UBE3C: variants seen among roughly 807,000 people sequenced by gnomAD.
UBE3C encodes the protein ubiquitin protein ligase E3C, also known as ubiquitin-protein ligase E3C.
In UBE3C, 42 loss-of-function variants were observed where a neutral mutation model predicts 129.4. The ratio of observed to expected loss-of-function variants is 0.32; its 90% CI spans 0.25 to 0.42. The LOEUF is 0.42. Among genes scored for constraint, UBE3C ranks in the 10% least tolerant of loss-of-function variants. The probability of loss-of-function intolerance (pLI) is 1.00; values close to 1 mark genes in which losing one functional copy is unlikely to be tolerated. For synonymous variants in UBE3C, 510 were observed against 492.4 expected (o/e 1.04, Z -0.47); for missense variants, 1,049 against 1,319.1 (o/e 0.80, Z 3.17).
intron 1 of UBE3C, among the ~76,000 whole-genome samples, chr7:157,141,346 C>T (rs1346791417): frequency 2.0e-5 from 3 of 152,214 alleles, no homozygotes; most frequent in Non-Finnish European, 2.9e-5. Flanking sequence ...CCCCTGCACT[C>T]TCACCCATTC....
In UBE3C at chr7:157,169,030, C is replaced by G; in HGVS notation, c.121-18C>G. ...GATTCTGACCAATTGCTCCCTCACTCCTCCTTTTATTGTTTAGGAAGAAAG... is the reference window on the plus strand; with the variant it reads ...GATTCTGACCAATTGCTCCCTCACTGCTCCTTTTATTGTTTAGGAAGAAAG... On this transcript the variant is annotated intron_variant, in intron 2 of 22. Transcript: ENST00000348165. 1.2e-6 allele frequency: 2 copies of G among 1,608,654 alleles called. No individual in the cohort carries two copies. The highest frequency in any genetic ancestry group is 1.7e-6 in the Non-Finnish European group (2 of 1,175,492).
intron 10 of UBE3C, among the ~76,000 whole-genome samples, chr7:157,195,476 C>T (rs1809092623): frequency 6.6e-6 from 1 of 152,194 alleles, no homozygotes; most frequent in African/African-American, 2.4e-5. Flanking sequence ...ACTCCCAGGC[C>T]TTGAAACTGA....
At chr7:157,165,273 C>T (rs937723802) in intron 2 of UBE3C, among the ~76,000 whole-genome samples, 4 of 152,072 alleles carry the variant, frequency 2.6e-5, no homozygotes, top group African/African-American at 4.8e-5. Flanking sequence ...TTGACCTTTG[C>T]GTCGTTTCCC....
chr7:157,162,383 C>T (rs181767428), intron 1 of UBE3C, among the ~76,000 whole-genome samples: 23 of 151,798 alleles, frequency 1.5e-4, no homozygotes, highest in African/African-American at 4.4e-4. Context: ...TTAGTAGAGA[C>T]GGGGTTTCAC....
chr7:157,156,977 A>G (rs1807927094), intron 1 of UBE3C, among the ~76,000 whole-genome samples: 1 of 152,188 alleles, frequency 6.6e-6, no homozygotes, highest in Admixed American at 6.5e-5. Flanking sequence ...CTTCAGTTAT[A>G]AGAGTCTTCA....
chr7:157,175,140 T>TG (rs1338735179), intron 5 of UBE3C, 106 bp downstream of exon 5: 38 of 516,328 alleles, frequency 7.4e-5, no homozygotes, highest in African/African-American at 6.6e-4. Context: ...TTCCATACTT[T>TG]TTTTTTTTTT....
At chr7:157,163,717 CT>C (rs1808137641) in intron 1 of UBE3C, 92 bp from the exon 2 acceptor site, 27 of 1,366,912 alleles carry the variant, frequency 2.0e-5, no homozygotes, top group South Asian at 3.8e-5. Context: ...TCTTTAGGAT[CT>C]TTTTTTGGGT....
intron 1 of UBE3C, among the ~76,000 whole-genome samples, chr7:157,145,688 T>C (rs1032108380): frequency 6.6e-6 from 1 of 152,230 alleles, no homozygotes; most frequent in African/African-American, 2.4e-5. Flanking sequence ...TTTCACTTAG[T>C]ACTATGCATT....
chr7:157,221,044 CCTGGCTCCTTTTG>C, intron 15 of UBE3C: 1 of 340,838 alleles, frequency 2.9e-6, no homozygotes, highest in East Asian at 5.3e-5. Flanking sequence ...GTAGTCTGCT[CCTGGCTCCTTTTG>C]GTCAGCACGC....
At chr7:157,187,074 TCCTC>T (rs558350240) in intron 10 of UBE3C, 53 bp downstream of exon 10, 4 of 1,517,290 alleles carry the variant, frequency 2.6e-6, no homozygotes, top group Non-Finnish European at 3.5e-6. Flanking sequence ...GAACATACCT[TCCTC>T]CCTGGGAATT....
intron 9 of UBE3C, 44 bp downstream of exon 9, chr7:157,184,073 C>T (rs757024206): frequency 1.3e-6 from 2 of 1,596,210 alleles, no homozygotes; most frequent in Non-Finnish European, 1.7e-6. Flanking sequence ...ATGCAGGCAG[C>T]CCCGTCGGAT....
At position 157,267,592 on chromosome 7, in the gene UBE3C, A is replaced by G. The variant is rs1234537270; in HGVS notation, c.3089A>G (p.Tyr1030Cys). 1 of 1,613,080 alleles carries G rather than the reference A, an allele frequency of 6.2e-7. No individual in the cohort carries two copies. The highest frequency in any genetic ancestry group is 8.5e-7 in the Non-Finnish European group (1 of 1,179,690). The part of the protein sequence containing the change: ...RPPLLGFKEL[Y>C]PAFCIHNGGS... ...ACACATGCTGTTTTTCAGGAGTTGTATCCCGCATTTTGTATTCACAACGGA... is the reference window on the plus strand; with the variant it reads ...ACACATGCTGTTTTTCAGGAGTTGTGTCCCGCATTTTGTATTCACAACGGA... The change falls in exon 23 of 23, where the codon TAT becomes TGT. Residue 1030 changes from tyrosine (Y) to cysteine (C), a missense_variant. By Grantham distance (194) the Tyr-to-Cys change is radical. This residue lies in a region of UBE3C where 243 missense variants were observed against 368.7 expected (regional missense o/e 0.66). Coordinates refer to ENST00000348165, the MANE Select transcript of UBE3C (RefSeq NM_014671.3).
chr7:157,229,418 G>A (rs1159234977), intron 17 of UBE3C, among the ~76,000 whole-genome samples: 1 of 152,084 alleles, frequency 6.6e-6, no homozygotes, highest in African/African-American at 2.4e-5. Context: ...GGGTTCAAGC[G>A]ATTCTCCTGC....
At chr7:157,237,195 A>G (rs947147420) in intron 18 of UBE3C, among the ~76,000 whole-genome samples, 25 of 152,014 alleles carry the variant, frequency 1.6e-4, no homozygotes, top group African/African-American at 5.8e-4. Flanking sequence ...TAATCCCAAC[A>G]CTTTGGGAGG....
intron 15 of UBE3C, chr7:157,222,770 T>G (rs1380425730): frequency 1.3e-5 from 2 of 153,470 alleles, no homozygotes; most frequent in Non-Finnish European, 2.9e-5. Flanking sequence ...GAATGGGATA[T>G]GTGTTTATTC....
rs762091748 is a variant in UBE3C at position 157,185,057 on chromosome 7, A to C, written c.1143+1028A>C. Among the ~76,000 whole-genome samples, 44 of 152,246 alleles carry C rather than the reference A, an allele frequency of 2.9e-4. 1 individual carries two copies. The highest frequency in any genetic ancestry group is 8.8e-5 in the Non-Finnish European group (6 of 68,050). ...AAAAAGAGTGGGTTCTGTAGATGGA[A>C]TGTAGATAAATTTTTGTTTTTGGAA... On this transcript the variant is annotated intron_variant, in intron 9 of 22. Coordinates refer to ENST00000348165, the MANE Select transcript of UBE3C (RefSeq NM_014671.3).
At chr7:157,220,405 ATAT>A (rs1563061645) in intron 14 of UBE3C, among the ~76,000 whole-genome samples, 1 of 152,236 alleles carries the variant, frequency 6.6e-6, no homozygotes, top group African/African-American at 2.4e-5. Flanking sequence ...TAAAGCAATT[ATAT>A]TATTTTACTA....
chr7:157,159,337 CAGAATT>C (rs1586651475), intron 1 of UBE3C, among the ~76,000 whole-genome samples: 1 of 143,558 alleles, frequency 7.0e-6, no homozygotes, highest in Non-Finnish European at 1.5e-5. Flanking sequence ...AAAAAAAAAA[CAGAATT>C]AGGATTAAAG....
At chr7:157,246,228 G>A (rs1212208439) in intron 18 of UBE3C, among the ~76,000 whole-genome samples, 2 of 143,384 alleles carry the variant, frequency 1.4e-5, no homozygotes, top group African/African-American at 5.2e-5. Flanking sequence ...GCATTTTATA[G>A]ACTACACATA....
Sources: allele counts gnomAD v4.1 joint callset (sites outside exome capture counted in the v4.1 genomes callset), GRCh38; gene constraint gnomAD v4.1.1; regional missense constraint gnomAD v4.1.1; transcripts MANE v1.5; gene names NCBI Gene and HGNC (gene_info 2026-07-23, HGNC 2026-07-21).